The following NUDT3 variants were observed in gnomAD, a reference collection of about 807,000 sequenced individuals.
The protein encoded by NUDT3 is nudix hydrolase 3.
NUDT3 carries 9 observed loss-of-function variants against 23.6 expected under a neutral mutation model. The observed-to-expected ratio is 0.38, with a 90% CI of 0.23 to 0.66. The LOEUF (loss-of-function observed/expected upper bound fraction) is 0.66. Ranked by LOEUF, NUDT3 falls within the 30% of genes least tolerant of loss-of-function variation. The pLI is 0.52. For synonymous variants in NUDT3, 86 were observed against 82.6 expected (o/e 1.04, Z -0.22); for missense variants, 172 against 218.5 (o/e 0.79, Z 1.34).
intron 2 of NUDT3, among the ~76,000 whole-genome samples, chr6:34,339,896 C>T (rs1764263327): frequency 1.3e-5 from 2 of 152,214 alleles, no homozygotes; most frequent in South Asian, 4.1e-4. Context: ...TTTTAAATTG[C>T]TTTAAAGTCT....
chr6:34,308,393 C>T (rs1459837394), intron 2 of NUDT3, among the ~76,000 whole-genome samples: 2 of 146,726 alleles, frequency 1.4e-5, no homozygotes, highest in Non-Finnish European at 3.0e-5. Context: ...GCTGGGAGGT[C>T]GAGACTGCAG....
rs80042776 is a variant in NUDT3, at chr6:34,301,010, T to G, written c.211-5325A>C. The stretch of plus-strand genomic sequence containing the variant: ...CTGAATTTAAAAAAGGTATTTTACC[T>G]TCTATAACTTTTTCCCTCAATATTA... On this transcript the variant is annotated intron_variant, in intron 2 of 4. Coordinates refer to ENST00000607016, the MANE Select transcript of NUDT3 (RefSeq NM_006703.4). Among the ~76,000 whole-genome samples, 1,285 of 152,386 alleles carry G rather than the reference T, an allele frequency of 8.4e-3. 11 individuals are homozygous for G. The highest frequency in any genetic ancestry group is 0.031 in the Middle Eastern group (9 of 294).
chr6:34,342,186 T>C (rs1446847872), intron 1 of NUDT3, among the ~76,000 whole-genome samples: 1 of 150,436 alleles, frequency 6.6e-6, no homozygotes, highest in African/African-American at 2.4e-5. Context: ...CCATTATCTC[T>C]ACACTCCCCT....
At chr6:34,297,936 A>T (rs1336731899) in intron 2 of NUDT3, among the ~76,000 whole-genome samples, 1 of 150,806 alleles carries the variant, frequency 6.6e-6, no homozygotes, top group Non-Finnish European at 1.5e-5. Flanking sequence ...TTTCTCCTCC[A>T]CAAAGGAGAA....
intron 2 of NUDT3, among the ~76,000 whole-genome samples, chr6:34,322,231 ACT>A (rs960990579): frequency 4.7e-5 from 7 of 148,322 alleles, no homozygotes; most frequent in Non-Finnish European, 7.4e-5. Flanking sequence ...ACTACCCTGG[ACT>A]CTTTTTTTTT....
intron 1 of NUDT3, among the ~76,000 whole-genome samples, chr6:34,357,017 T>C (rs1581887606): frequency 6.6e-6 from 1 of 152,174 alleles, no homozygotes; most frequent in African/African-American, 2.4e-5. Flanking sequence ...GACCTCGTGA[T>C]CCGCCTGCCT....
intron 1 of NUDT3, among the ~76,000 whole-genome samples, chr6:34,367,979 G>C (rs968491231): frequency 3.9e-5 from 6 of 152,102 alleles, no homozygotes; most frequent in Non-Finnish European, 8.8e-5. Context: ...GAGGCAGGCG[G>C]ATCACGAGGT....
intron 2 of NUDT3, among the ~76,000 whole-genome samples, chr6:34,312,758 C>T (rs931909549): frequency 2.0e-5 from 3 of 152,158 alleles, no homozygotes; most frequent in Non-Finnish European, 4.4e-5. Context: ...TCGGAAGCAA[C>T]GTCCGAGTCC....
chr6:34,340,885 T>C (rs1764277899), intron 2 of NUDT3, among the ~76,000 whole-genome samples: 1 of 152,222 alleles, frequency 6.6e-6, no homozygotes. Context: ...CCAATGTAAG[T>C]GTAGGAATTC....
intron 1 of NUDT3, among the ~76,000 whole-genome samples, chr6:34,390,456 G>A (rs1475146240): frequency 6.6e-6 from 1 of 152,036 alleles, no homozygotes; most frequent in Non-Finnish European, 1.5e-5. Flanking sequence ...GGAAAATTAA[G>A]CCGTTGCTAG....
chr6:34,380,699 T>C (rs1581901938), intron 1 of NUDT3, among the ~76,000 whole-genome samples: 2 of 152,186 alleles, frequency 1.3e-5, no homozygotes, highest in South Asian at 4.1e-4. Context: ...CACTCTCTCA[T>C]AGACACTGGA....
chr6:34,314,981 C>T (rs1371641550), intron 2 of NUDT3, among the ~76,000 whole-genome samples: 3 of 152,164 alleles, frequency 2.0e-5, no homozygotes, highest in African/African-American at 7.2e-5. Flanking sequence ...AAAGCATATA[C>T]ACGTATCAAC....
At chr6:34,302,838 T>C (rs1053008361) in intron 2 of NUDT3, among the ~76,000 whole-genome samples, 2 of 152,230 alleles carry the variant, frequency 1.3e-5, no homozygotes, top group African/African-American at 4.8e-5. Context: ...GTACGATCCA[T>C]CTGTAATTTA....
rs778064741 is a variant in NUDT3 at position 34,392,336 on chromosome 6, G to A, written c.27C>T (p.Thr9=). 9 of 1,605,802 alleles carry A rather than the reference G, an allele frequency of 5.6e-6. No homozygotes were observed. Among genetic ancestry groups the A allele is most frequent in the Non-Finnish European group, 7.6e-6 (9 of 1,177,362 alleles). Residue 9 remains threonine, a synonymous_variant, in exon 1 of 5, where the codon ACC becomes ACT. Transcript: ENST00000607016. ...TGTAGCCGTCGCCGTCGTAGGTGCGGGTCTGGTTCGACTTGAGCTTCATCA... is the reference window on the plus strand; with the variant it reads ...TGTAGCCGTCGCCGTCGTAGGTGCGAGTCTGGTTCGACTTGAGCTTCATCA... The part of the protein sequence containing the change: MMKLKSNQ[T]RTYDGDGYKK...
intron 2 of NUDT3, among the ~76,000 whole-genome samples, chr6:34,308,168 A>T (rs1346906832): frequency 8.1e-6 from 1 of 124,124 alleles, no homozygotes. Context: ...AAAAAAAAAA[A>T]AGATAGGCCA....
Position 34,331,332 on chromosome 6 carries a change from A to T in NUDT3, c.210+10530T>A, listed in dbSNP as rs139861358. Among the ~76,000 whole-genome samples the T allele has an allele frequency of 4.1e-3, 613 of 148,470 alleles. 7 individuals are homozygous for T. Among genetic ancestry groups the T allele is most frequent in the African/African-American group, 0.013 (543 of 40,408 alleles). ...AAACTTTCTTTTTAAGTTGTCCATG[A>T]CCTGCTGGATTTTTCTTTTTTCTTT... On this transcript the variant is annotated intron_variant, in intron 2 of 4. Coordinates refer to ENST00000607016, the MANE Select transcript of NUDT3 (RefSeq NM_006703.4).
intron 1 of NUDT3, among the ~76,000 whole-genome samples, chr6:34,387,426 T>G (rs1350012771): frequency 2.6e-5 from 4 of 152,054 alleles, no homozygotes; most frequent in Non-Finnish European, 5.9e-5. Flanking sequence ...TGTCTTTGTT[T>G]TCAACCAAAG....
At chr6:34,361,705 T>C (rs1189301413) in intron 1 of NUDT3, among the ~76,000 whole-genome samples, 2 of 152,146 alleles carry the variant, frequency 1.3e-5, no homozygotes, top group South Asian at 2.1e-4. Flanking sequence ...TCAATCAAGC[T>C]ATGAAAAGAC....
Position 34,295,769 on chromosome 6 carries a change from T to A in NUDT3, c.211-84A>T. 5.8e-6 allele frequency: 9 copies of A among 1,554,554 alleles called. No individual in the cohort carries two copies. The Admixed American group carries it at 7.4e-5, about 13-fold the overall frequency. On this transcript the variant is annotated intron_variant, in intron 2 of 4. Coordinates refer to ENST00000607016, the MANE Select transcript of NUDT3 (RefSeq NM_006703.4). ...GAGTCTTCTTAAGCAGTTTATAAAA[T>A]AGAAACAAAAAACAAGAGGACACAG...
Sources: allele counts gnomAD v4.1 joint callset (sites outside exome capture counted in the v4.1 genomes callset), GRCh38; gene constraint gnomAD v4.1.1; transcripts MANE v1.5; gene names NCBI Gene and HGNC (gene_info 2026-07-23, HGNC 2026-07-21).